SMC2: variants seen among roughly 807,000 people sequenced by gnomAD.
SMC2 encodes the protein structural maintenance of chromosomes protein 2.
Under a neutral mutation model 142.6 loss-of-function variants are expected in SMC2, and 41 were observed. The ratio of observed to expected loss-of-function variants is 0.29; its 90% CI spans 0.22 to 0.37. SMC2 has a LOEUF of 0.37. Ranked by LOEUF, SMC2 falls within the 10% of genes least tolerant of loss-of-function variation. The pLI is 1.00. For missense variants in SMC2, 1,265 were observed against 1,373.7 expected, an observed-to-expected ratio of 0.92 and a Z score of 1.25; for synonymous variants, 463 against 457.5, an observed-to-expected ratio of 1.01 and a Z score of -0.15.
intron 9 of SMC2, among the ~76,000 whole-genome samples, chr9:104,105,701 A>G (rs1025538720): frequency 7.2e-5 from 11 of 152,190 alleles, no homozygotes; most frequent in Non-Finnish European, 1.2e-4. Context: ...GACAGATGCT[A>G]TGTCCTCTCA....
intron 23 of SMC2, among the ~76,000 whole-genome samples, chr9:104,137,331 T>A (rs1465146779): frequency 1.3e-5 from 2 of 152,052 alleles, no homozygotes; most frequent in Non-Finnish European, 2.9e-5. Flanking sequence ...AAAGAAAAAA[T>A]ATAATAATAA....
chr9:104,102,217 G>A (rs770082809), intron 8 of SMC2, 24 bp downstream of exon 8: 13 of 1,342,078 alleles, frequency 9.7e-6, no homozygotes, highest in African/African-American at 8.9e-5. Context: ...TATAAGAATC[G>A]ATAATATACT....
At chr9:104,099,446 A>G (rs1022294690) in intron 4 of SMC2, among the ~76,000 whole-genome samples, 198 bp from the exon 5 acceptor site, 4 of 152,170 alleles carry the variant, frequency 2.6e-5, no homozygotes, top group African/African-American at 9.6e-5. Flanking sequence ...CATAACTTCC[A>G]TAATTTGTAT....
At chr9:104,129,158 T>C (rs16923733) in intron 20 of SMC2, among the ~76,000 whole-genome samples, 8,634 of 152,232 alleles carry the variant, frequency 0.057, 659 homozygotes, top group African/African-American at 0.18. Context: ...GTAGTCTGTG[T>C]TCCAGGTAAA....
At position 104,126,713 on chromosome 9, in the gene SMC2, G is replaced by C; in HGVS notation, c.2524G>C (p.Ala842Pro). ...TACATCTTACAAACAACAGCTTGAA[G>C]CTGTAAATGAAGCTATCAAATCCTA... ...EHTSYKQQLE[A>P]VNEAIKSYES... The change falls in exon 19 of 25, where the codon GCT (alanine) becomes CCT (proline). Residue 842 changes from alanine (A) to proline (P), a missense_variant. Ala to Pro is a conservative substitution (Grantham distance 27). Transcript: ENST00000374793. The C allele has an allele frequency of 6.2e-7, 1 of 1,613,096 alleles. No homozygotes were observed. The highest frequency in any genetic ancestry group is 8.5e-7 in the Non-Finnish European group (1 of 1,179,608).
chr9:104,099,644 G>A lies in SMC2; in HGVS notation c.442G>A (p.Gly148Ser). 6.4e-7 allele frequency: 1 copy of A among 1,567,262 alleles called. No homozygotes were observed. The highest frequency in any genetic ancestry group is 8.8e-7 in the Non-Finnish European group (1 of 1,138,768). Residue 148 changes from glycine to serine, a missense_variant and splice_region_variant, in exon 5 of 25, where the codon GGC (glycine) becomes AGC (serine). By Grantham distance (56) the Gly-to-Ser change is moderately conservative. This residue lies in a region of SMC2 where 168 missense variants were observed against 184.8 expected (regional missense o/e 0.91). Transcript: ENST00000374793. ...VNNPHFLIMQGRITKVLNMKP... is the reference protein window; with the variant it reads ...VNNPHFLIMQSRITKVLNMKP... ...AGTAAGTTTGCTATTTTATTTTCAG[G>A]GCCGAATTACAAAAGTATTGAATAT...
intron 3 of SMC2, 74 bp from the exon 4 acceptor site, chr9:104,098,372 G>A (rs1444193944): frequency 4.9e-5 from 60 of 1,222,818 alleles, no homozygotes; most frequent in Non-Finnish European, 6.3e-5. Context: ...ATAAACGTAA[G>A]CTAATATACT....
Position 104,111,671 on chromosome 9 carries a change from G to A in SMC2, c.1111G>A (p.Glu371Lys). The stretch of plus-strand genomic sequence containing the variant: ...TCAAGAAGCAAGTAATAAAGATGCT[G>A]AAGCTCTGGCAGCTGCACAGCAGCA... Reference protein sequence around the residue: ...ALQEASNKDAEALAAAQQHFN... With the variant: ...ALQEASNKDAKALAAAQQHFN... Residue 371 changes from glutamate (E) to lysine (K), a missense_variant, in exon 10 of 25, where the codon GAA becomes AAA. Transcript: ENST00000374793. 6.2e-7 allele frequency: 1 copy of A among 1,614,002 alleles called. No individual in the cohort carries two copies. Among genetic ancestry groups the A allele is most frequent in the African/African-American group, 1.3e-5 (1 of 75,036 alleles).
At chr9:104,130,632 T>C (rs1055570524) in intron 21 of SMC2, among the ~76,000 whole-genome samples, 25 of 152,150 alleles carry the variant, frequency 1.6e-4, no homozygotes, top group Non-Finnish European at 1.2e-4. Context: ...AAAGAGTCTA[T>C]ATTATATTAG....
chr9:104,109,809 A>G (rs1564083150), intron 9 of SMC2, among the ~76,000 whole-genome samples: 1 of 152,192 alleles, frequency 6.6e-6, no homozygotes, highest in East Asian at 1.9e-4. Flanking sequence ...GTACTAGTCT[A>G]TTTTATCATT....
chr9:104,088,636 A>G, the SMC2 span, among the ~76,000 whole-genome samples: 8 of 85,522 alleles, frequency 9.4e-5, no homozygotes, highest in Non-Finnish European at 6.7e-5. Flanking sequence ...ATGTTCCATA[A>G]CCTGCCTTCT....
intron 3 of SMC2, 37 bp from the exon 4 acceptor site, chr9:104,098,409 T>G (rs367624269): frequency 8.5e-6 from 13 of 1,528,182 alleles, no homozygotes; most frequent in Non-Finnish European, 1.1e-5. Context: ...AAGGTGTGCA[T>G]GTACATTAAT....
chr9:104,126,755 G>T lies in SMC2; in HGVS notation c.2566G>T (p.Val856Leu). ...AIKSYESQIE[V>L]MAAEVAKNKE... Reference sequence around the variant, plus strand: ...CAAATCCTATGAAAGTCAGATTGAAGTAATGGCAGCTGAGGTGGCTAAAAA... The same window carrying T: ...CAAATCCTATGAAAGTCAGATTGAATTAATGGCAGCTGAGGTGGCTAAAAA... Residue 856 changes from valine (V) to leucine (L), a missense_variant, in exon 19 of 25, where the codon GTA becomes TTA. Val to Leu is a conservative substitution (Grantham distance 32, BLOSUM62 1). Transcript: ENST00000374793. 1 of 1,609,206 alleles carries T rather than the reference G, an allele frequency of 6.2e-7. No homozygotes were observed. Among genetic ancestry groups the T allele is most frequent in the Non-Finnish European group, 8.5e-7 (1 of 1,178,848 alleles).
chr9:104,102,503 T>G lies in SMC2; in HGVS notation c.950T>G (p.Phe317Cys). ...QRVNTKSQSAFDLKKKNLACE... is the reference protein window; with the variant it reads ...QRVNTKSQSACDLKKKNLACE... The stretch of plus-strand genomic sequence containing the variant: ...GTTAATACTAAATCTCAAAGCGCAT[T>G]TGATCTCAAGAAGAAAAATCTGGCA... The change falls in exon 9 of 25, where the codon TTT (phenylalanine) becomes TGT (cysteine). Residue 317 changes from phenylalanine (F) to cysteine (C), a missense_variant. Transcript: ENST00000374793. 6.2e-7 allele frequency: 1 copy of G among 1,613,762 alleles called. No individual in the cohort carries two copies. The highest frequency in any genetic ancestry group is 8.5e-7 in the Non-Finnish European group (1 of 1,179,808).
chr9:104,106,172 G>A (rs771995636), intron 9 of SMC2, among the ~76,000 whole-genome samples: 3 of 152,270 alleles, frequency 2.0e-5, no homozygotes, highest in African/African-American at 7.2e-5. Context: ...ATAACAGGGT[G>A]CATGGAAAGT....
upstream of SMC2, among the ~76,000 whole-genome samples, chr9:104,091,156 T>C (rs1400060065): frequency 6.6e-6 from 1 of 152,222 alleles, no homozygotes; most frequent in Non-Finnish European, 1.5e-5. Flanking sequence ...AGTCATGCGT[T>C]GCCTAACGAC....
At chr9:104,120,481 G>T (rs183683331) in intron 16 of SMC2, among the ~76,000 whole-genome samples, 1 of 152,278 alleles carries the variant, frequency 6.6e-6, no homozygotes, top group Non-Finnish European at 1.5e-5. Context: ...ACACTCTGGC[G>T]TCTGATACCA....
At position 104,099,646 on chromosome 9, in the gene SMC2, C is replaced by A; in HGVS notation, c.444C>A (p.Gly148=). Residue 148 remains glycine, a splice_region_variant and synonymous_variant, in exon 5 of 25, where the codon GGC becomes GGA. Coordinates refer to ENST00000374793, the MANE Select transcript of SMC2 (RefSeq NM_006444.3). ...VNNPHFLIMQ[G]RITKVLNMKP... ...TAAGTTTGCTATTTTATTTTCAGGGCCGAATTACAAAAGTATTGAATATGA... is the reference window on the plus strand; with the variant it reads ...TAAGTTTGCTATTTTATTTTCAGGGACGAATTACAAAAGTATTGAATATGA... 6.4e-7 allele frequency: 1 copy of A among 1,569,020 alleles called. No individual in the cohort carries two copies. Among genetic ancestry groups the A allele is most frequent in the Non-Finnish European group, 8.8e-7 (1 of 1,140,404 alleles).
chr9:104,104,362 T>G (rs758264776), intron 9 of SMC2, among the ~76,000 whole-genome samples: 1 of 152,198 alleles, frequency 6.6e-6, no homozygotes, highest in Non-Finnish European at 1.5e-5. Context: ...TAGGATTCAT[T>G]GCAAGCTGAT....
Sources: allele counts gnomAD v4.1 joint callset (sites outside exome capture counted in the v4.1 genomes callset), GRCh38; gene constraint gnomAD v4.1.1; regional missense constraint gnomAD v4.1.1; transcripts MANE v1.5; gene names NCBI Gene and HGNC (gene_info 2026-07-23, HGNC 2026-07-21).